NUMA1: variants seen among roughly 807,000 people sequenced by gnomAD.
The protein encoded by NUMA1 is SP-H antigen.
In NUMA1, 62 loss-of-function variants were observed where a neutral mutation model predicts 237.1. That is an observed-to-expected ratio of 0.26 (90% CI 0.21 to 0.32). The LOEUF (loss-of-function observed/expected upper bound fraction) is 0.32, where lower values mean the gene tolerates loss of function less well. Ranked by LOEUF, NUMA1 falls within the 10% of genes least tolerant of loss-of-function variation. The pLI, the probability that NUMA1 is intolerant of heterozygous loss-of-function variation, is 1.00. For missense variants in NUMA1, 2,533 were observed against 2,666.5 expected, an observed-to-expected ratio of 0.95 and a Z score of 1.10; for synonymous variants, 1,028 against 1,066.1, an observed-to-expected ratio of 0.96 and a Z score of 0.70.
chr11:72,068,892 C>T (rs188480955), intron 2 of NUMA1, among the ~76,000 whole-genome samples: 22 of 152,260 alleles, frequency 1.4e-4, no homozygotes, highest in Admixed American at 1.2e-3. Flanking sequence ...ATAGTCACAC[C>T]TCATCCTTCA....
intron 16 of NUMA1, among the ~76,000 whole-genome samples, chr11:72,011,578 G>A (rs1379682756): frequency 6.6e-6 from 1 of 152,202 alleles, no homozygotes; most frequent in African/African-American, 2.4e-5. Context: ...ATTGCTAACT[G>A]TTTGCTATTC....
intron 1 of NUMA1, among the ~76,000 whole-genome samples, chr11:72,073,668 A>T (rs976857694): frequency 3.9e-5 from 6 of 152,200 alleles, no homozygotes; most frequent in African/African-American, 1.4e-4. Flanking sequence ...ACCAGAACTA[A>T]TGAGTGGAAG....
chr11:72,053,912 C>A (rs1942498841), intron 2 of NUMA1, among the ~76,000 whole-genome samples: 1 of 152,106 alleles, frequency 6.6e-6, no homozygotes, highest in Admixed American at 6.5e-5. Context: ...ATTTACATTG[C>A]ATTATATAAG....
chr11:72,045,253 G>A (rs1216852935), intron 2 of NUMA1, among the ~76,000 whole-genome samples: 2 of 151,982 alleles, frequency 1.3e-5, no homozygotes, highest in Non-Finnish European at 2.9e-5. Flanking sequence ...GGGATGAGGT[G>A]GGGGTGGGGG....
chr11:72,019,882 T>C (rs1369873718), intron 8 of NUMA1, among the ~76,000 whole-genome samples: 1 of 152,162 alleles, frequency 6.6e-6, no homozygotes, highest in African/African-American at 2.4e-5. Context: ...GACGGTGTCC[T>C]CTGGCTCAGA....
intron 2 of NUMA1, among the ~76,000 whole-genome samples, chr11:72,061,938 A>T (rs1382169631): frequency 6.6e-6 from 1 of 152,056 alleles, no homozygotes; most frequent in Non-Finnish European, 1.5e-5. Context: ...ATCACACCAC[A>T]CCACACAACA....
chr11:72,036,029 A>G, intron 2 of NUMA1, 54 bp from the exon 3 acceptor site: 3 of 1,383,768 alleles, frequency 2.2e-6, no homozygotes, highest in Non-Finnish European at 3.1e-6. Flanking sequence ...ATCCATGATC[A>G]AGAAATAAAG....
At position 72,012,445 on chromosome 11, in the gene NUMA1, GTA is replaced by G. The variant is rs1565202912; in HGVS notation, c.4609-5_4609-4del. 6 of 1,612,254 alleles carry G rather than the reference GTA, an allele frequency of 3.7e-6. No individual in the cohort carries two copies. The highest frequency in any genetic ancestry group is 5.1e-6 in the Non-Finnish European group (6 of 1,179,042). ...TGAAATACCTCTAGCTGCTCCACCT[GTA>G]CATGGGGGAGGAGCAACAGAGACAG... On this transcript the variant is annotated splice_polypyrimidine_tract_variant and splice_region_variant and intron_variant, in intron 15 of 26. Transcript: ENST00000393695.
chr11:72,013,257 C>T lies in NUMA1; in HGVS notation c.4246G>A (p.Val1416Met). The change falls in exon 15 of 27, where the codon GTG becomes ATG. Residue 1416 changes from valine (V) to methionine (M), a missense_variant. Physicochemically the swap from Val to Met is conservative, Grantham distance 21. Around this residue, in one of 3 missense-constraint regions of NUMA1, gnomAD observed 324 missense variants for 407.6 expected, o/e 0.79. Transcript: ENST00000393695. The surrounding 1 kb of genome is among the most constrained non-coding windows in gnomAD (Gnocchi z 6.8). ...LGELIPLRQK[V>M]AEQERTAQQL... ...TGAGCTGTTCGCTCCTGCTCTGCCA[C>T]CTTCTGCCGCAGAGGAATCAGCTCC... 4 of 1,605,234 alleles carry T rather than the reference C, an allele frequency of 2.5e-6. No homozygotes were observed. Among genetic ancestry groups the T allele is most frequent in the Non-Finnish European group, 3.4e-6 (4 of 1,179,820 alleles).
In NUMA1 at chr11:72,018,264, G is replaced by A. The variant is rs1450065663; in HGVS notation, c.897C>T (p.Cys299=). The A allele has an allele frequency of 1.9e-6, 3 of 1,614,092 alleles. No individual in the cohort carries two copies. The highest frequency in any genetic ancestry group is 2.5e-6 in the Non-Finnish European group (3 of 1,180,030). ...GGCTCTTCTCTGTCTTCAGGTCCTG[G>A]CACTGCTTCAGGGTTTCATGCAGCC... The part of the protein sequence containing the change: ...TMRLHETLKQ[C]QDLKTEKSQM... Residue 299 remains cysteine (C), a synonymous_variant, in exon 12 of 27, where the codon TGC becomes TGT. Transcript: ENST00000393695.
At chr11:72,053,574 C>G (rs761524097) in intron 2 of NUMA1, among the ~76,000 whole-genome samples, 8 of 152,204 alleles carry the variant, frequency 5.3e-5, no homozygotes, top group Non-Finnish European at 1.0e-4. Context: ...CTCTGCTTCC[C>G]CCTGGTTCTT....
intron 2 of NUMA1, among the ~76,000 whole-genome samples, chr11:72,054,772 A>AG (rs1942546897): frequency 6.6e-6 from 1 of 152,250 alleles, no homozygotes; most frequent in Non-Finnish European, 1.5e-5. Context: ...AGAAATAATC[A>AG]GTAACTAATG....
Position 72,017,777 on chromosome 11 carries a change from C to G in NUMA1, c.1029G>C (p.Glu343Asp). 1 of 1,612,702 alleles carries G rather than the reference C, an allele frequency of 6.2e-7. No individual in the cohort carries two copies. ...HLQQLQDALNELTEEHSKATQ... is the reference protein window; with the variant it reads ...HLQQLQDALNDLTEEHSKATQ... ...TGGCCTTGCTGTGCTCCTCCGTCAG[C>G]TCATTGAGGGCATCCTGTAGCTGCT... The change falls in exon 13 of 27, where the codon GAG (glutamate) becomes GAC (aspartate). Residue 343 changes from glutamate (E) to aspartate (D), a missense_variant. By Grantham distance (45) the Glu-to-Asp change is conservative. This residue lies in a region of NUMA1 where 1,414 missense variants were observed against 1,508.1 expected (regional missense o/e 0.94). Coordinates refer to ENST00000393695, the MANE Select transcript of NUMA1 (RefSeq NM_006185.4).
intron 2 of NUMA1, among the ~76,000 whole-genome samples, chr11:72,046,502 C>A (rs541047618): frequency 6.6e-6 from 1 of 151,586 alleles, no homozygotes; most frequent in African/African-American, 2.4e-5. Context: ...CGAGATCGTG[C>A]CATTGCACTA....
rs1938423837 is a variant in NUMA1 at position 72,019,480 on chromosome 11, G to A, written c.584+14C>T. The stretch of plus-strand genomic sequence containing the variant: ...GCTGAGGCCCTATCCCAGGAGGAGA[G>A]GCCCAGAACATACTTGTTCCCACTG... On this transcript the variant is annotated intron_variant, in intron 9 of 26. Transcript: ENST00000393695. 2 of 1,611,588 alleles carry A rather than the reference G, an allele frequency of 1.2e-6. No individual in the cohort carries two copies. The highest frequency in any genetic ancestry group is 2.7e-5 in the African/African-American group (2 of 74,874).
chr11:72,024,804 G>T (rs1426499255), intron 4 of NUMA1: 1 of 161,482 alleles, frequency 6.2e-6, no homozygotes, highest in African/African-American at 2.4e-5. Context: ...GAGGAAACAA[G>T]GCTCTGAAGT....
intron 24 of NUMA1, 46 bp from the exon 25 acceptor site, chr11:72,004,387 C>T: frequency 2.0e-6 from 3 of 1,536,758 alleles, no homozygotes. Flanking sequence ...AGAGGAGTCA[C>T]ATCTGAAGCC....
chr11:72,013,854 G>A lies in NUMA1; in HGVS notation c.3649C>T (p.Arg1217Trp), dbSNP rs774529714. 1.5e-5 allele frequency: 25 copies of A among 1,613,346 alleles called. 1 individual carries two copies. Among genetic ancestry groups the A allele is most frequent in the South Asian group, 8.8e-5 (8 of 91,086 alleles). The part of the protein sequence containing the change: ...DEWKAQVARG[R>W]QEAERKNSLI... ...CTATTTTTCCTCTCAGCCTCTTGCC[G>A]GCCCCGGGCCACCTGGGCCTTCCAC... Residue 1217 changes from arginine (R) to tryptophan (W), a missense_variant, in exon 15 of 27, where the codon CGG becomes TGG. By Grantham distance (101) the Arg-to-Trp change is moderately radical (BLOSUM62 -3). Transcript: ENST00000393695. This position sits in a 1 kb window ranked among gnomAD's most constrained non-coding sequence, Gnocchi z 6.8.
chr11:72,073,960 G>A (rs2136315169), intron 1 of NUMA1, among the ~76,000 whole-genome samples: 1 of 152,212 alleles, frequency 6.6e-6, no homozygotes, highest in Middle Eastern at 3.4e-3. Flanking sequence ...GGGAGGCTGA[G>A]GCAGGTGGAT....
Sources: allele counts gnomAD v4.1 joint callset (sites outside exome capture counted in the v4.1 genomes callset), GRCh38; gene constraint gnomAD v4.1.1; regional missense constraint gnomAD v4.1.1; non-coding constraint Gnocchi (gnomAD v3.1); transcripts MANE v1.5; gene names NCBI Gene and HGNC (gene_info 2026-07-23, HGNC 2026-07-21).